ANKFN1: variants seen among roughly 807,000 people sequenced by gnomAD.
The protein encoded by ANKFN1 is ankyrin repeat and fibronectin type III domain containing 1, also known as ankyrin repeat and fibronectin type-III domain-containing protein 1.
A neutral mutation model predicts 108.7 loss-of-function variants in ANKFN1; 74 were observed. That is an observed-to-expected ratio of 0.68 (90% CI 0.56 to 0.83). ANKFN1 has a LOEUF of 0.83. Among genes scored for constraint, ANKFN1 ranks in the 40% least tolerant of loss-of-function variants. The pLI is 0.00. For missense variants in ANKFN1, 1,505 were observed against 1,382.3 expected, an observed-to-expected ratio of 1.09 and a Z score of -1.41; for synonymous variants, 547 against 516.2, an observed-to-expected ratio of 1.06 and a Z score of -0.81.
Position 56,480,745 on chromosome 17 carries a change from T to C in ANKFN1, c.2018T>C (p.Met673Thr). 1.9e-6 allele frequency: 3 copies of C among 1,614,102 alleles called. No individual in the cohort carries two copies. Among genetic ancestry groups the C allele is most frequent in the Admixed American group, 1.7e-5 (1 of 60,022 alleles). ...ESVDHTSDCP[M>T]QLFFYELQMA... ...GTGGATCATACTTCTGACTGCCCCA[T>C]GCAATTGTTCTTCTACGAGCTCCAG... Residue 673 changes from methionine (M) to threonine (T), a missense_variant, in exon 17 of 21, where the codon ATG (methionine) becomes ACG (threonine). Met to Thr is a moderately conservative substitution (Grantham distance 81). Coordinates refer to ENST00000682825, the MANE Select transcript of ANKFN1 (RefSeq NM_001370326.1).
intron 1 of ANKFN1, among the ~76,000 whole-genome samples, chr17:56,158,762 G>A (rs770017329): frequency 3.2e-4 from 49 of 152,208 alleles, no homozygotes; most frequent in Middle Eastern, 3.4e-3. Context: ...AACACCGCAT[G>A]TATTTTCCCC....
intron 2 of ANKFN1, among the ~76,000 whole-genome samples, chr17:56,216,568 C>T (rs548282810): frequency 2.3e-4 from 35 of 152,304 alleles, no homozygotes; most frequent in Non-Finnish European, 3.8e-4. Context: ...ATTGAAGTGG[C>T]TAGTGCAGAA....
In ANKFN1 at chr17:56,109,395, T is replaced by C. The variant is rs146034266; in HGVS notation, c.288+63070T>C. Among the ~76,000 whole-genome samples, 5 of 152,242 alleles carry C rather than the reference T, an allele frequency of 3.3e-5. No individual in the cohort carries two copies. The East Asian group carries it at 9.7e-4, about 29-fold the overall frequency. ...TAATTCTTTGTTGTGAGGGAAGTCC[T>C]GTGCATTGCAGGATGTTTAGCAGCA... On this transcript the variant is annotated intron_variant, in intron 4 of 12. Transcript: ENST00000635860.
chr17:56,111,521 C>T (rs78564718), intron 4 of ANKFN1, among the ~76,000 whole-genome samples: 1 of 101,674 alleles, frequency 9.8e-6, no homozygotes, highest in Non-Finnish European at 2.2e-5. Context: ...TCATAAATGG[C>T]AAAAAAAAAA....
chr17:56,420,696 T>A (rs2048376031), intron 8 of ANKFN1, among the ~76,000 whole-genome samples: 1 of 150,688 alleles, frequency 6.6e-6, no homozygotes, highest in African/African-American at 2.5e-5. Context: ...TTTTTTTTTT[T>A]TTTTTTTATT....
At chr17:56,361,385 A>C (rs1470305346) in intron 6 of ANKFN1, among the ~76,000 whole-genome samples, 1 of 152,088 alleles carries the variant, frequency 6.6e-6, no homozygotes, top group Admixed American at 6.6e-5. Context: ...GTTTTAACAT[A>C]AACATAAAAA....
chr17:56,441,962 T>C (rs1273708859), intron 9 of ANKFN1, among the ~76,000 whole-genome samples: 1 of 152,028 alleles, frequency 6.6e-6, no homozygotes, highest in Admixed American at 6.6e-5. Context: ...TTTCATCAAA[T>C]GCTGGCTTCT....
At chr17:56,143,375 C>T (rs1009492413) in intron 4 of ANKFN1, among the ~76,000 whole-genome samples, 2 of 152,158 alleles carry the variant, frequency 1.3e-5, no homozygotes, top group Non-Finnish European at 2.9e-5. Flanking sequence ...TTCACACAAG[C>T]AGCCCCTCCT....
intron 16 of ANKFN1, among the ~76,000 whole-genome samples, chr17:56,479,917 A>G (rs2050636574): frequency 6.6e-6 from 1 of 152,222 alleles, no homozygotes; most frequent in Non-Finnish European, 1.5e-5. Flanking sequence ...ATGTTGCCCA[A>G]GAGGCATTTA....
chr17:56,456,597 C>A (rs963762752), intron 11 of ANKFN1, among the ~76,000 whole-genome samples: 1 of 151,762 alleles, frequency 6.6e-6, no homozygotes, highest in Admixed American at 6.6e-5. Flanking sequence ...AGGGTTTCAC[C>A]ATGTTGGTCA....
chr17:56,419,066 C>T (rs931124312), intron 8 of ANKFN1, among the ~76,000 whole-genome samples: 1 of 152,228 alleles, frequency 6.6e-6, no homozygotes, highest in Non-Finnish European at 1.5e-5. Flanking sequence ...GCATTTTTAA[C>T]TGAGTTGACC....
At chr17:56,332,682 A>G (rs2144573773) in intron 4 of ANKFN1, among the ~76,000 whole-genome samples, 1 of 152,214 alleles carries the variant, frequency 6.6e-6, no homozygotes, top group South Asian at 2.1e-4. Flanking sequence ...CTTTATCTAT[A>G]TGGCTAGCCT....
intron 4 of ANKFN1, among the ~76,000 whole-genome samples, chr17:56,099,643 C>T (rs554851610): frequency 1.3e-5 from 2 of 152,230 alleles, no homozygotes; most frequent in East Asian, 3.9e-4. Flanking sequence ...TGGAGCACAG[C>T]CTTAAAGAAC....
chr17:56,495,908 A>G (rs1394533722), intron 19 of ANKFN1, among the ~76,000 whole-genome samples: 1 of 152,116 alleles, frequency 6.6e-6, no homozygotes, highest in African/African-American at 2.4e-5. Context: ...ATAATTTACG[A>G]GATGAAAACT....
At chr17:56,233,589 T>C (rs62073006) in intron 3 of ANKFN1, among the ~76,000 whole-genome samples, 20,144 of 152,000 alleles carry the variant, frequency 0.13, 1,466 homozygotes, top group East Asian at 0.22. Flanking sequence ...CTCCTAATCA[T>C]GTCCAGTTCT....
chr17:56,389,235 A>G (rs1698523513), intron 8 of ANKFN1, among the ~76,000 whole-genome samples: 1 of 152,220 alleles, frequency 6.6e-6, no homozygotes, highest in African/African-American at 2.4e-5. Flanking sequence ...CTAAAAAACC[A>G]AACTATTTAT....
intron 8 of ANKFN1, among the ~76,000 whole-genome samples, chr17:56,418,830 C>T (rs541083161): frequency 6.6e-6 from 1 of 151,434 alleles, no homozygotes; most frequent in Non-Finnish European, 1.5e-5. Context: ...CAAGAAACCA[C>T]AGAGAGTCCG....
At chr17:56,150,228 C>T (rs572075514), upstream of ANKFN1, among the ~76,000 whole-genome samples, 2 of 152,042 alleles carry the variant, frequency 1.3e-5, no homozygotes, top group South Asian at 2.1e-4. Flanking sequence ...TTTTCTTTGA[C>T]CTACACAATG....
chr17:56,210,356 C>T (rs1598244327), intron 1 of ANKFN1, among the ~76,000 whole-genome samples: 1 of 152,324 alleles, frequency 6.6e-6, no homozygotes, highest in East Asian at 1.9e-4. Flanking sequence ...TTCCCACCAA[C>T]AGTGTAAATG....
Sources: gnomAD v4.1 joint callset for allele counts (sites outside exome capture counted in the v4.1 genomes callset) on GRCh38, gnomAD v4.1.1 for gene constraint, MANE v1.5 for transcripts, NCBI Gene and HGNC (gene_info 2026-07-23, HGNC 2026-07-21) for gene names.